Variants in EFHC1 observed in about 807,000 individuals in gnomAD.
EFHC1 encodes the protein EF-hand domain containing 1, also known as EF-hand domain-containing protein 1.
EFHC1 carries 53 observed loss-of-function variants against 69.9 expected under a neutral mutation model. That is an observed-to-expected ratio of 0.76 (90% CI 0.61 to 0.95). The LOEUF (loss-of-function observed/expected upper bound fraction) is 0.95. EFHC1 is among the 40% of genes least tolerant of loss of function. The probability of loss-of-function intolerance (pLI) is 0.00; values close to 1 mark genes in which losing one functional copy is unlikely to be tolerated. For missense variants in EFHC1, 739 were observed against 798.7 expected (o/e 0.93, Z 0.90); for synonymous variants, 256 against 278.4 (o/e 0.92, Z 0.80).
At position 52,423,566 on chromosome 6, in the gene EFHC1, A is replaced by G. The variant is rs764065051; in HGVS notation, c.64-380A>G. The stretch of plus-strand genomic sequence containing the variant: ...GCCCAGGCTGGAGTGCAGTGGTTCA[A>G]TCATAGCTTATTGCAGCTTGGACCT... On this transcript the variant is annotated intron_variant, in intron 1 of 10. Transcript: ENST00000371068. The G allele has an allele frequency of 6.5e-5, 30 of 461,728 alleles. No homozygotes were observed. The East Asian group carries it at 6.7e-4, about 10-fold the overall frequency. 28.6% of individuals were successfully genotyped at this position (461,728 alleles called of 1,614,324 possible).
intron 7 of EFHC1, among the ~76,000 whole-genome samples, chr6:52,477,878 G>A (rs1427018003): frequency 2.6e-5 from 4 of 152,296 alleles, no homozygotes; most frequent in Admixed American, 6.5e-5. Flanking sequence ...TGATTCCTCA[G>A]GGATCTAGAA....
At chr6:52,458,284 G>A (rs986473729) in intron 5 of EFHC1, among the ~76,000 whole-genome samples, 2 of 152,068 alleles carry the variant, frequency 1.3e-5, no homozygotes, top group African/African-American at 4.8e-5. Flanking sequence ...AAAAGCAAAT[G>A]TAATGAAAAC....
chr6:52,492,412 C>A lies in EFHC1; in HGVS notation c.*71C>A. ...GCTTTGAAATACACCTTACACTCTT[C>A]ATAGAGGCATTTACAGGGTTCCTGA... On this transcript the variant is annotated 3_prime_UTR_variant, in exon 11 of 11. Coordinates refer to ENST00000371068, the MANE Select transcript of EFHC1 (RefSeq NM_018100.4). 7.0e-7 allele frequency: 1 copy of A among 1,429,936 alleles called. No individual in the cohort carries two copies. The highest frequency in any genetic ancestry group is 9.8e-7 in the Non-Finnish European group (1 of 1,020,284). 88.6% of individuals were successfully genotyped at this position (1,429,936 alleles called of 1,614,324 possible).
At chr6:52,460,418 T>C (rs1241075649) in intron 5 of EFHC1, among the ~76,000 whole-genome samples, 5 of 152,186 alleles carry the variant, frequency 3.3e-5, no homozygotes, top group African/African-American at 4.8e-5. Context: ...TTGGATGTGA[T>C]TGGATGTTTA....
At chr6:52,463,054 GTC>G (rs939712836) in intron 5 of EFHC1, among the ~76,000 whole-genome samples, 2 of 152,030 alleles carry the variant, frequency 1.3e-5, no homozygotes, top group African/African-American at 4.8e-5. Flanking sequence ...TTGAGACGGA[GTC>G]TCTCTCTGTC....
intron 5 of EFHC1, among the ~76,000 whole-genome samples, chr6:52,455,459 T>G (rs2113997564): frequency 6.6e-6 from 1 of 152,108 alleles, no homozygotes; most frequent in Middle Eastern, 3.4e-3. Flanking sequence ...TCGAGACCAT[T>G]CTAGCTAACA....
rs1193294904 is a variant in EFHC1, at chr6:52,493,683, C to G, written c.*1342C>G. ...AAAAAAAAAGGTTAGAAAAATGCTG[C>G]TTTTAGAGAGCCTGGCCTTGAGAGA... On this transcript the variant is annotated 3_prime_UTR_variant, in exon 11 of 11. Coordinates refer to ENST00000371068, the MANE Select transcript of EFHC1 (RefSeq NM_018100.4). 6.6e-6 allele frequency: 3 copies of G among 453,372 alleles called. No individual in the cohort carries two copies. Among genetic ancestry groups the G allele is most frequent in the East Asian group, 7.0e-5 (1 of 14,386 alleles). The allele number at this position is 453,372 out of a possible 1,614,324, so 28.1% of individuals were successfully genotyped here. A position where few individuals can be genotyped will look rare whatever the true frequency, so the allele number is the denominator to read the frequency against.
intron 7 of EFHC1, among the ~76,000 whole-genome samples, chr6:52,471,465 T>C (rs192823190): frequency 2.0e-5 from 3 of 152,124 alleles, no homozygotes; most frequent in Non-Finnish European, 4.4e-5. Context: ...AAAAACAATA[T>C]TAATAATACA....
At chr6:52,454,956 G>A (rs917296513) in intron 5 of EFHC1, among the ~76,000 whole-genome samples, 2 of 152,098 alleles carry the variant, frequency 1.3e-5, no homozygotes, top group Non-Finnish European at 2.9e-5. Context: ...GCCATGCTTG[G>A]TGCCGCACAC....
chr6:52,424,732 A>G (rs1418072111), intron 2 of EFHC1, among the ~76,000 whole-genome samples: 4 of 152,134 alleles, frequency 2.6e-5, no homozygotes, highest in African/African-American at 9.7e-5. Flanking sequence ...ATCTATTGAC[A>G]TTACCACATC....
chr6:52,420,363 C>A lies in EFHC1; in HGVS notation c.-48C>A, dbSNP rs752917691. Reference sequence around the variant, plus strand: ...GAACACTGCTTGTCGCCTGGGCAACCGGAGAGGACGAAGCAGGACCTAGGT... The same window carrying A: ...GAACACTGCTTGTCGCCTGGGCAACAGGAGAGGACGAAGCAGGACCTAGGT... On this transcript the variant is annotated 5_prime_UTR_variant, in exon 1 of 11. Transcript: ENST00000371068. The A allele has an allele frequency of 6.2e-7, 1 of 1,613,234 alleles. No homozygotes were observed. Among genetic ancestry groups the A allele is most frequent in the Non-Finnish European group, 8.5e-7 (1 of 1,179,190 alleles).
At chr6:52,478,941 A>G (rs1312665415) in intron 7 of EFHC1, 96 bp from the exon 8 acceptor site, 3 of 1,168,428 alleles carry the variant, frequency 2.6e-6, no homozygotes, top group African/African-American at 3.0e-5. Context: ...AGACTGCTTC[A>G]TTTATATCCT....
chr6:52,442,595 T>C (rs1034063553), intron 3 of EFHC1, among the ~76,000 whole-genome samples: 2 of 152,198 alleles, frequency 1.3e-5, no homozygotes, highest in African/African-American at 4.8e-5. Flanking sequence ...GGTTTCCAGC[T>C]TCATCCATGT....
intron 1 of EFHC1, among the ~76,000 whole-genome samples, chr6:52,422,686 C>T (rs1764217150): frequency 6.6e-6 from 1 of 151,996 alleles, no homozygotes; most frequent in African/African-American, 2.4e-5. Flanking sequence ...ATCCTCACAA[C>T]AGAAAAAGGA....
chr6:52,471,847 G>A (rs938314178), intron 7 of EFHC1, among the ~76,000 whole-genome samples: 63 of 151,796 alleles, frequency 4.2e-4, no homozygotes, highest in African/African-American at 1.5e-3. Flanking sequence ...CAGCCTGGGC[G>A]ACAGAGCAAG....
chr6:52,435,529 G>A (rs1015952487), intron 2 of EFHC1, among the ~76,000 whole-genome samples: 4 of 151,984 alleles, frequency 2.6e-5, no homozygotes, highest in Non-Finnish European at 4.4e-5. Flanking sequence ...CCACTATATC[G>A]CCAGCACTGG....
chr6:52,456,157 T>TA (rs1554260048), intron 5 of EFHC1, among the ~76,000 whole-genome samples: 1 of 152,096 alleles, frequency 6.6e-6, no homozygotes, highest in East Asian at 1.9e-4. Context: ...TATATTTTTT[T>TA]AAAAAAATGA....
At position 52,462,587 on chromosome 6, in the gene EFHC1, T is replaced by C. The variant is rs190575296; in HGVS notation, c.917-2308T>C. On this transcript the variant is annotated intron_variant, in intron 5 of 10. Transcript: ENST00000371068. ...CAAAAGAAGGCACATATACACCATA[T>C]TAAAAATGAAAGAAGTGGCTGGGCA... Among the ~76,000 whole-genome samples the C allele has an allele frequency of 1.1e-4, 16 of 152,176 alleles. No homozygotes were observed. In the East Asian group the frequency reaches 2.9e-3, roughly 28 times the overall value.
intron 7 of EFHC1, among the ~76,000 whole-genome samples, chr6:52,473,047 A>G (rs973344199): frequency 7.9e-5 from 12 of 152,338 alleles, no homozygotes; most frequent in South Asian, 2.1e-4. Flanking sequence ...AATTGATTCT[A>G]TAATTTAAGT....
Sources: gnomAD v4.1 joint callset for allele counts (sites outside exome capture counted in the v4.1 genomes callset) on GRCh38, gnomAD v4.1.1 for gene constraint, MANE v1.5 for transcripts, NCBI Gene and HGNC (gene_info 2026-07-23, HGNC 2026-07-21) for gene names.